The following KIAA0825 variants were observed in gnomAD, a reference collection of about 807,000 sequenced individuals.
KIAA0825 encodes uncharacterized protein KIAA0825.
KIAA0825 carries 119 observed loss-of-function variants against 147.6 expected under a neutral mutation model. The ratio of observed to expected loss-of-function variants is 0.81; its 90% CI spans 0.69 to 0.94. The LOEUF is 0.94. KIAA0825 is among the 40% of genes least tolerant of loss of function. The pLI is 0.00. For missense variants in KIAA0825, 1,381 were observed against 1,472.7 expected (o/e 0.94, Z 1.02); for synonymous variants, 470 against 518.1 (o/e 0.91, Z 1.26).
intron 20 of KIAA0825, among the ~76,000 whole-genome samples, chr5:94,340,510 G>A (rs1379327349): frequency 3.9e-5 from 6 of 152,056 alleles, no homozygotes; most frequent in African/African-American, 1.2e-4. Context: ...ATATTCATAC[G>A]TATTTTATAT....
rs1766619103 is a variant in KIAA0825, at chr5:94,152,844, AAAAAAAAAAAATT to A, written c.*1150_*1162del. ...ATGAAAAAAAAAAAAAAAAAAAAAA[AAAAAAAAAAAATT>A]ATATATATATATATATATATATATA... On this transcript the variant is annotated 3_prime_UTR_variant, in exon 21 of 21. Transcript: ENST00000682413. The A allele has an allele frequency of 1.1e-4, 4 of 36,280 alleles. 1 individual carries two copies. The highest frequency in any genetic ancestry group is 3.0e-4 in the African/African-American group (3 of 10,058). 2.2% of individuals were successfully genotyped at this position (36,280 alleles called of 1,614,324 possible). A position where few individuals can be genotyped will look rare whatever the true frequency, so the allele number is the denominator to read the frequency against.
chr5:94,539,267 C>A (rs564686306), intron 2 of KIAA0825, among the ~76,000 whole-genome samples: 104 of 152,272 alleles, frequency 6.8e-4, no homozygotes, highest in Middle Eastern at 3.4e-3. Flanking sequence ...AAGAAATAAT[C>A]ATAAAAATGG....
intron 20 of KIAA0825, among the ~76,000 whole-genome samples, chr5:94,272,143 T>C (rs1777023468): frequency 7.3e-6 from 1 of 137,498 alleles, no homozygotes; most frequent in Admixed American, 7.5e-5. Context: ...CTAAGACAAT[T>C]GAACTCATGG....
chr5:94,565,385 C>T (rs1156989162), intron 2 of KIAA0825, among the ~76,000 whole-genome samples: 2 of 150,776 alleles, frequency 1.3e-5, no homozygotes, highest in Non-Finnish European at 3.0e-5. Flanking sequence ...TTTTGTTGCC[C>T]AGGCTGGGTG....
intron 15 of KIAA0825, among the ~76,000 whole-genome samples, chr5:94,405,520 T>A (rs1751926130): frequency 6.6e-6 from 1 of 152,058 alleles, no homozygotes; most frequent in African/African-American, 2.4e-5. Context: ...AACTGGGGAG[T>A]CAAAAGTAAC....
intron 20 of KIAA0825, among the ~76,000 whole-genome samples, chr5:94,323,950 G>A (rs748082807): frequency 2.0e-5 from 3 of 152,000 alleles, no homozygotes; most frequent in Non-Finnish European, 4.4e-5. Context: ...TCCAAAGAAT[G>A]ACACTGAAAA....
intron 20 of KIAA0825, among the ~76,000 whole-genome samples, chr5:94,190,867 T>C (rs984708259): frequency 6.6e-6 from 1 of 152,128 alleles, no homozygotes; most frequent in Non-Finnish European, 1.5e-5. Flanking sequence ...ACATGTGTCT[T>C]AATATTACTT....
chr5:94,278,319 CA>C (rs1309211298), intron 20 of KIAA0825, among the ~76,000 whole-genome samples: 1 of 152,052 alleles, frequency 6.6e-6, no homozygotes, highest in East Asian at 1.9e-4. Context: ...TTGCCTCTAG[CA>C]ATCAATTTTA....
intron 7 of KIAA0825, among the ~76,000 whole-genome samples, chr5:94,473,830 A>T (rs954160483): frequency 6.6e-6 from 1 of 152,226 alleles, no homozygotes; most frequent in Non-Finnish European, 1.5e-5. Context: ...AAGAACAGAA[A>T]GCTACAGTTA....
chr5:94,489,473 C>G (rs1763449737), intron 5 of KIAA0825, among the ~76,000 whole-genome samples: 2 of 151,602 alleles, frequency 1.3e-5, no homozygotes, highest in Admixed American at 1.3e-4. Flanking sequence ...GATAAAAACC[C>G]TTGTGGGTTA....
intron 20 of KIAA0825, among the ~76,000 whole-genome samples, chr5:94,334,485 AT>A (rs141758320): frequency 1.3e-5 from 2 of 152,090 alleles, no homozygotes; most frequent in South Asian, 4.2e-4. Flanking sequence ...AATTTTTTTA[AT>A]TTTTTTATTT....
intron 15 of KIAA0825, chr5:94,414,590 C>G (rs1584423556): frequency 6.6e-6 from 1 of 152,098 alleles, no homozygotes; most frequent in African/African-American, 2.4e-5. Context: ...AGATAGAATT[C>G]TAAGTATAAA....
At chr5:94,536,366 A>T (rs1420123254) in intron 3 of KIAA0825, among the ~76,000 whole-genome samples, 1 of 152,248 alleles carries the variant, frequency 6.6e-6, no homozygotes, top group East Asian at 1.9e-4. Context: ...TGTAACCTAC[A>T]TGAGGTAAAT....
intron 20 of KIAA0825, among the ~76,000 whole-genome samples, chr5:94,212,522 T>C (rs571324158): frequency 1.8e-4 from 27 of 152,120 alleles, no homozygotes; most frequent in Non-Finnish European, 2.4e-4. Flanking sequence ...ATGAGGCTAT[T>C]AGGAGACAGG....
intron 12 of KIAA0825, among the ~76,000 whole-genome samples, chr5:94,457,232 A>G (rs1206470800): frequency 6.6e-6 from 1 of 152,244 alleles, no homozygotes; most frequent in African/African-American, 2.4e-5. Flanking sequence ...GCTAGCTATT[A>G]GACAACCTCT....
In KIAA0825 at chr5:94,161,983, A is replaced by G. The variant is rs74699674; in HGVS notation, c.3711-7859T>C. Among the ~76,000 whole-genome samples, 645 of 152,284 alleles carry G rather than the reference A, an allele frequency of 4.2e-3. 2 individuals carry two copies. Among genetic ancestry groups the G allele is most frequent in the African/African-American group, 0.015 (626 of 41,562 alleles). On this transcript the variant is annotated intron_variant, in intron 20 of 20. Coordinates refer to ENST00000682413, the MANE Select transcript of KIAA0825 (RefSeq NM_001145678.3). ...GTTAGAAGCAAGAAAATGCCACCCAAGCTGAGGCCACTTAATTCAGCTTTT... is the reference window on the plus strand; with the variant it reads ...GTTAGAAGCAAGAAAATGCCACCCAGGCTGAGGCCACTTAATTCAGCTTTT...
intron 2 of KIAA0825, among the ~76,000 whole-genome samples, chr5:94,571,423 G>GA (rs1340505140): frequency 2.0e-5 from 3 of 152,196 alleles, no homozygotes; most frequent in African/African-American, 7.2e-5. Context: ...TTTAATGATT[G>GA]AAGTTCTTCT....
Position 94,603,722 on chromosome 5 carries a change from T to C in KIAA0825, c.-153+14778A>G, listed in dbSNP as rs574432640. Among the ~76,000 whole-genome samples the C allele has an allele frequency of 2.0e-5, 3 of 152,194 alleles. No individual in the cohort carries two copies. In the East Asian group the frequency reaches 5.8e-4, roughly 29 times the overall value. ...CACACATAGGGTCAAAATAAAGGGATGGAGAGAAATTTACCAAGCAAATGG... is the reference window on the plus strand; with the variant it reads ...CACACATAGGGTCAAAATAAAGGGACGGAGAGAAATTTACCAAGCAAATGG... On this transcript the variant is annotated intron_variant, in intron 1 of 20. Transcript: ENST00000682413.
intron 20 of KIAA0825, among the ~76,000 whole-genome samples, chr5:94,283,232 A>G (rs1242818965): frequency 6.6e-6 from 1 of 152,122 alleles, no homozygotes; most frequent in Non-Finnish European, 1.5e-5. Context: ...TGTGCCAGTG[A>G]TTCCAAAGAG....
Sources: gnomAD v4.1 joint callset for allele counts (sites outside exome capture counted in the v4.1 genomes callset) on GRCh38, gnomAD v4.1.1 for gene constraint, MANE v1.5 for transcripts, NCBI Gene and HGNC (gene_info 2026-07-23, HGNC 2026-07-21) for gene names.